Variants in MCC observed in about 807,000 individuals in gnomAD.
The protein encoded by MCC is colorectal mutant cancer protein.
A neutral mutation model predicts 116.2 loss-of-function variants in MCC; 90 were observed. The ratio of observed to expected loss-of-function variants is 0.77; its 90% CI spans 0.65 to 0.92. The LOEUF (loss-of-function observed/expected upper bound fraction) is 0.92, where lower values mean the gene tolerates loss of function less well. Among genes scored for constraint, MCC ranks in the 40% least tolerant of loss-of-function variants. The probability of loss-of-function intolerance (pLI) is 0.00; values close to 1 mark genes in which losing one functional copy is unlikely to be tolerated. For missense variants in MCC, 1,516 were observed against 1,312.2 expected (o/e 1.16, Z -2.40); for synonymous variants, 578 against 510.5 (o/e 1.13, Z -1.78).
At chr5:113,378,027 T>C (rs1769027498) in intron 2 of MCC, among the ~76,000 whole-genome samples, 1 of 152,212 alleles carries the variant, frequency 6.6e-6, no homozygotes, top group Admixed American at 6.5e-5. Flanking sequence ...TGAAATCTAA[T>C]AGTAGCATTC....
chr5:113,210,894 A>G (rs1178193718), intron 3 of MCC, among the ~76,000 whole-genome samples: 1 of 152,238 alleles, frequency 6.6e-6, no homozygotes, highest in Non-Finnish European at 1.5e-5. Flanking sequence ...GATGCTTATC[A>G]GAAGGCATCA....
intron 1 of MCC, among the ~76,000 whole-genome samples, chr5:113,404,738 G>A (rs544810731): frequency 1.3e-5 from 2 of 152,114 alleles, no homozygotes; most frequent in South Asian, 2.1e-4. Flanking sequence ...TCTATACAAT[G>A]CCATGAATAC....
intron 3 of MCC, among the ~76,000 whole-genome samples, chr5:113,288,578 T>C (rs1766352652): frequency 6.6e-6 from 1 of 152,240 alleles, no homozygotes. Context: ...ACTATATCCC[T>C]TTACTCTAAT....
chr5:113,132,381 TAC>T (rs1758487272), intron 5 of MCC, among the ~76,000 whole-genome samples: 3 of 129,890 alleles, frequency 2.3e-5, no homozygotes, highest in African/African-American at 5.5e-5. Context: ...TGTATATATA[TAC>T]ATACATATAT....
chr5:113,275,865 T>C (rs1163940200), intron 3 of MCC, among the ~76,000 whole-genome samples: 1 of 152,114 alleles, frequency 6.6e-6, no homozygotes, highest in African/African-American at 2.4e-5. Flanking sequence ...CCAATTCCCC[T>C]TGAACACCAA....
chr5:113,246,128 G>C (rs1261025531), intron 3 of MCC, among the ~76,000 whole-genome samples: 3 of 152,196 alleles, frequency 2.0e-5, no homozygotes, highest in Non-Finnish European at 2.9e-5. Flanking sequence ...CAGAGAATTT[G>C]ATAAACCATG....
intron 16 of MCC, among the ~76,000 whole-genome samples, chr5:113,048,075 C>G (rs1375756955): frequency 6.6e-6 from 1 of 152,212 alleles, no homozygotes; most frequent in African/African-American, 2.4e-5. Flanking sequence ...AATCCCAATT[C>G]TACCATTTAT....
At chr5:113,071,268 G>C in intron 11 of MCC, 34 bp from the exon 12 acceptor site, 1 of 1,600,066 alleles carries the variant, frequency 6.2e-7, no homozygotes, top group South Asian at 1.1e-5. Flanking sequence ...TCACACTAGG[G>C]TTACAGTTAA....
intron 1 of MCC, among the ~76,000 whole-genome samples, chr5:113,424,268 T>C (rs1224295666): frequency 1.3e-5 from 2 of 149,564 alleles, no homozygotes; most frequent in Non-Finnish European, 3.0e-5. Flanking sequence ...GCATCTAATA[T>C]AAAAGAGACA....
chr5:113,229,779 T>TAG (rs2150333690), intron 3 of MCC, among the ~76,000 whole-genome samples: 1 of 151,780 alleles, frequency 6.6e-6, no homozygotes, highest in African/African-American at 2.4e-5. Flanking sequence ...TTGGCTACAG[T>TAG]ACTCAGTACT....
chr5:113,159,610 A>C (rs1426564293), intron 3 of MCC, among the ~76,000 whole-genome samples: 1 of 152,206 alleles, frequency 6.6e-6, no homozygotes, highest in Non-Finnish European at 1.5e-5. Flanking sequence ...ATCCTTGGAG[A>C]CAGCAAGAAA....
chr5:113,330,495 A>C (rs1767672821), intron 3 of MCC, among the ~76,000 whole-genome samples: 1 of 152,218 alleles, frequency 6.6e-6, no homozygotes, highest in Non-Finnish European at 1.5e-5. Context: ...CCTTTTCTTC[A>C]AAAACGCAAA....
rs1445265734 is a variant in MCC, at chr5:113,027,494, T to C, written c.2880-12A>G. 1.2e-6 allele frequency: 2 copies of C among 1,613,690 alleles called. No homozygotes were observed. Among genetic ancestry groups the C allele is most frequent in the Middle Eastern group, 1.7e-4 (1 of 6,060 alleles). On this transcript the variant is annotated splice_polypyrimidine_tract_variant and intron_variant, in intron 18 of 18. Transcript: ENST00000408903. ...CAGCCACCAGGTTGCTAGGTGGGAA[T>C]GAAGGGAAATTGGTATTAAGATTCA...
At chr5:113,200,240 A>G (rs1762616044) in intron 3 of MCC, among the ~76,000 whole-genome samples, 1 of 152,248 alleles carries the variant, frequency 6.6e-6, no homozygotes, top group South Asian at 2.1e-4. Flanking sequence ...GAATCTCATT[A>G]TAAATGCATG....
chr5:113,057,790 C>G lies in MCC; in HGVS notation c.2214-3831G>C, dbSNP rs118017923. Among the ~76,000 whole-genome samples, 65 of 152,362 alleles carry G rather than the reference C, an allele frequency of 4.3e-4. 2 individuals are homozygous for G. In the East Asian group the frequency reaches 0.012, roughly 28 times the overall value. On this transcript the variant is annotated intron_variant, in intron 14 of 18. Coordinates refer to ENST00000408903, the MANE Select transcript of MCC (RefSeq NM_001085377.2). ...AATCATCAACACTGATGTGGAGGGA[C>G]AGACATCTAATGTTCCACAGGCGAA...
chr5:113,082,861 T>C lies in MCC; in HGVS notation c.1783A>G (p.Ser595Gly). 1 of 1,613,978 alleles carries C rather than the reference T, an allele frequency of 6.2e-7. No individual in the cohort carries two copies. Among genetic ancestry groups the C allele is most frequent in the Middle Eastern group, 1.7e-4 (1 of 6,060 alleles). ...EFEVETERLN[S>G]RIEHLKSQND... ...CAAATCGATACGATCTCTCCTCACC[T>C]ATTCAGCCGTTCTGTTTCCACCTCA... The change falls in exon 11 of 19, where the codon AGC (serine) becomes GGC (glycine). Residue 595 changes from serine (S) to glycine (G), a missense_variant and splice_region_variant. Transcript: ENST00000408903.
intron 1 of MCC, among the ~76,000 whole-genome samples, chr5:113,401,598 C>T (rs1308858032): frequency 2.0e-5 from 3 of 152,098 alleles, no homozygotes; most frequent in Admixed American, 1.3e-4. Context: ...GTCTGACCTC[C>T]GAACCTCCAG....
intron 1 of MCC, among the ~76,000 whole-genome samples, chr5:113,441,161 C>G (rs1005686412): frequency 7.9e-5 from 12 of 152,070 alleles, no homozygotes; most frequent in Admixed American, 3.3e-4. Flanking sequence ...ATGGTGAAAC[C>G]CTGTCTCTAC....
intron 1 of MCC, among the ~76,000 whole-genome samples, chr5:113,457,935 T>TG (rs903944548): frequency 5.9e-5 from 9 of 151,898 alleles, no homozygotes; most frequent in African/African-American, 1.9e-4. Context: ...GCTACTCTGG[T>TG]GGGGCCTTGA....
Sources: allele counts gnomAD v4.1 joint callset (sites outside exome capture counted in the v4.1 genomes callset), GRCh38; gene constraint gnomAD v4.1.1; transcripts MANE v1.5; gene names NCBI Gene and HGNC (gene_info 2026-07-23, HGNC 2026-07-21).